The following XRCC6 variants were observed in gnomAD, a reference collection of about 807,000 sequenced individuals.
XRCC6 encodes DNA repair protein Ku70.
A neutral mutation model predicts 65.7 loss-of-function variants in XRCC6; 5 were observed. That is an observed-to-expected ratio of 0.08 (90% CI 0.04 to 0.16). XRCC6 has a LOEUF of 0.16. Ranked by LOEUF, XRCC6 falls within the 10% of genes least tolerant of loss-of-function variation. The pLI, the probability that XRCC6 is intolerant of heterozygous loss-of-function variation, is 1.00. For synonymous variants in XRCC6, 270 were observed against 270.6 expected (o/e 1.00, Z 0.02); for missense variants, 447 against 738.1 (o/e 0.61, Z 4.57).
chr22:41,645,317 AAAC>A (rs1304079566), intron 6 of XRCC6, among the ~76,000 whole-genome samples: 1 of 151,832 alleles, frequency 6.6e-6, no homozygotes, highest in East Asian at 1.9e-4. Context: ...AAAAAACAAA[AAAC>A]AAAAAAAAAC....
chr22:41,658,004 T>A (rs1396289313), intron 10 of XRCC6, among the ~76,000 whole-genome samples: 1 of 152,098 alleles, frequency 6.6e-6, no homozygotes, highest in Admixed American at 6.6e-5. Flanking sequence ...TTAAATTTTT[T>A]GTAGAGACAG....
intron 3 of XRCC6, among the ~76,000 whole-genome samples, chr22:41,633,326 T>G (rs1189644757): frequency 6.6e-6 from 1 of 152,148 alleles, no homozygotes; most frequent in African/African-American, 2.4e-5. Flanking sequence ...TGTCAGGTGA[T>G]GCTGATGTTA....
At chr22:41,640,334 A>G (rs2067862508) in intron 6 of XRCC6, among the ~76,000 whole-genome samples, 1 of 151,872 alleles carries the variant, frequency 6.6e-6, no homozygotes. Flanking sequence ...TATTTTTAGT[A>G]GAGACGGGGT....
At chr22:41,656,222 A>AAG (rs2068043557) in intron 9 of XRCC6, among the ~76,000 whole-genome samples, 1 of 151,336 alleles carries the variant, frequency 6.6e-6, no homozygotes, top group South Asian at 2.1e-4. Flanking sequence ...TCTCAAAAAA[A>AAG]AAAAAAAAAA....
chr22:41,636,276 T>G (rs2067808837), intron 4 of XRCC6, 25 bp downstream of exon 4: 1 of 1,568,168 alleles, frequency 6.4e-7, no homozygotes, highest in African/African-American at 1.4e-5. Flanking sequence ...AAGATCAGCT[T>G]TTCCCTTATA....
chr22:41,657,972 C>T (rs2147115357), intron 10 of XRCC6, among the ~76,000 whole-genome samples: 1 of 152,224 alleles, frequency 6.6e-6, no homozygotes, highest in Non-Finnish European at 1.5e-5. Flanking sequence ...CACAGGCGTG[C>T]ACCAACATGC....
At chr22:41,621,770 G>T in intron 1 of XRCC6, 1 of 515,352 alleles carries the variant, frequency 1.9e-6, no homozygotes, top group South Asian at 2.4e-5. Flanking sequence ...GCCGCCGCCG[G>T]CCCTGAAACG....
intron 3 of XRCC6, among the ~76,000 whole-genome samples, chr22:41,630,972 G>A (rs2067737243): frequency 6.6e-6 from 1 of 152,208 alleles, no homozygotes. Context: ...TCAATGAGCT[G>A]TTGGGCACAC....
intron 8 of XRCC6, 47 bp downstream of exon 8, chr22:41,650,938 T>G: frequency 6.2e-7 from 1 of 1,607,056 alleles, no homozygotes. Flanking sequence ...CACAGTGCAG[T>G]TTACGGAGCA....
chr22:41,639,667 C>CTTTTTTTTTTTTTTTTTTTTTT (rs71184825), intron 6 of XRCC6, among the ~76,000 whole-genome samples: 2 of 81,050 alleles, frequency 2.5e-5, no homozygotes. Context: ...GATTCTCTCT[C>CTTTTTTTTTTTTTTTTTTTTTT]TTTTTTTTTT....
intron 6 of XRCC6, among the ~76,000 whole-genome samples, chr22:41,640,371 G>A (rs2067863057): frequency 6.6e-6 from 1 of 151,778 alleles, no homozygotes; most frequent in Non-Finnish European, 1.5e-5. Flanking sequence ...GGATGGTCTT[G>A]ATCTCCTGAC....
intron 6 of XRCC6, among the ~76,000 whole-genome samples, chr22:41,645,643 TTTTTG>T (rs149089715): frequency 0.01 from 1,538 of 151,976 alleles, 25 homozygotes; most frequent in African/African-American, 0.036. Flanking sequence ...TTGGGGTGTT[TTTTTG>T]TTTTGTTTTG....
intron 4 of XRCC6, 70 bp from the exon 5 acceptor site, chr22:41,636,446 T>C: frequency 6.3e-7 from 1 of 1,577,390 alleles, no homozygotes; most frequent in East Asian, 2.2e-5. Context: ...CTTCTGTTAG[T>C]CTTGTGGTAA....
intron 7 of XRCC6, among the ~76,000 whole-genome samples, chr22:41,647,673 C>T (rs1284438378): frequency 6.6e-6 from 1 of 151,940 alleles, no homozygotes; most frequent in Non-Finnish European, 1.5e-5. Context: ...TTTGGCTTCC[C>T]GAAGTGCTGG....
chr22:41,654,297 AG>A (rs1780540946), intron 9 of XRCC6, among the ~76,000 whole-genome samples: 1 of 152,186 alleles, frequency 6.6e-6, no homozygotes, highest in African/African-American at 2.4e-5. Flanking sequence ...TTTACATTTG[AG>A]ATGAGTTACT....
At chr22:41,646,420 CATTTT>C (rs1248540106) in intron 6 of XRCC6, among the ~76,000 whole-genome samples, 4 of 152,088 alleles carry the variant, frequency 2.6e-5, no homozygotes, top group African/African-American at 9.7e-5. Context: ...TACAAACTAT[CATTTT>C]ATTATACGGG....
chr22:41,641,531 G>C (rs2067877022), intron 6 of XRCC6, among the ~76,000 whole-genome samples: 1 of 151,918 alleles, frequency 6.6e-6, no homozygotes, highest in South Asian at 2.1e-4. Flanking sequence ...ACCCTGATCT[G>C]CTCTAAAGTA....
At chr22:41,627,055 C>T (rs1339684808) in intron 2 of XRCC6, among the ~76,000 whole-genome samples, 3 of 152,162 alleles carry the variant, frequency 2.0e-5, no homozygotes, top group Admixed American at 1.3e-4. Flanking sequence ...GGATTACAGG[C>T]ATGAGCCACT....
chr22:41,622,032 A>G lies in XRCC6; in HGVS notation c.28A>G (p.Thr10Ala). The change falls in exon 2 of 13, where the codon ACC becomes GCC. Residue 10 changes from threonine (T) to alanine (A), a missense_variant. Thr to Ala is a moderately conservative substitution (Grantham distance 58). This residue lies in a region of XRCC6 where 228 missense variants were observed against 307.4 expected (regional missense o/e 0.74). Coordinates refer to ENST00000360079, the MANE Select transcript of XRCC6 (RefSeq NM_001469.5). The part of the protein sequence containing the change: MSGWESYYK[T>A]EGDEEAEEEQ... Reference sequence around the variant, plus strand: ...GTCAGGGTGGGAGTCATATTACAAAACCGAGGGCGATGAAGAAGCAGAGGA... The same window carrying G: ...GTCAGGGTGGGAGTCATATTACAAAGCCGAGGGCGATGAAGAAGCAGAGGA... 6.2e-7 allele frequency: 1 copy of G among 1,614,226 alleles called. No homozygotes were observed. Among genetic ancestry groups the G allele is most frequent in the Non-Finnish European group, 8.5e-7 (1 of 1,180,036 alleles).
Sources: gnomAD v4.1 joint callset for allele counts (sites outside exome capture counted in the v4.1 genomes callset) on GRCh38, gnomAD v4.1.1 for gene constraint, gnomAD v4.1.1 regional missense constraint, MANE v1.5 for transcripts, NCBI Gene and HGNC (gene_info 2026-07-23, HGNC 2026-07-21) for gene names.